The following CDC42BPA variants were observed in gnomAD, a reference collection of about 807,000 sequenced individuals.
CDC42BPA encodes the protein CDC42 binding protein kinase alpha.
CDC42BPA carries 80 observed loss-of-function variants against 223.5 expected under a neutral mutation model. The ratio of observed to expected loss-of-function variants is 0.36; its 90% confidence interval spans 0.30 to 0.43. CDC42BPA has a LOEUF of 0.43. Ranked by LOEUF, CDC42BPA falls within the 20% of genes least tolerant of loss-of-function variation. The pLI is 1.00. For missense variants in CDC42BPA, 1,743 were observed against 2,099.9 expected (o/e 0.83, Z 3.32); for synonymous variants, 694 against 718.6 (o/e 0.97, Z 0.55).
intron 2 of CDC42BPA, among the ~76,000 whole-genome samples, chr1:227,227,874 T>A (rs1677115209): frequency 6.6e-6 from 1 of 152,202 alleles, no homozygotes; most frequent in African/African-American, 2.4e-5. Context: ...TAGTAAATGA[T>A]AAATGTTCCA....
At chr1:227,198,167 A>C (rs923902123) in intron 4 of CDC42BPA, among the ~76,000 whole-genome samples, 1 of 151,966 alleles carries the variant, frequency 6.6e-6, no homozygotes, top group Non-Finnish European at 1.5e-5. Flanking sequence ...AATGTTCCTT[A>C]TGGCTGGGCA....
intron 1 of CDC42BPA, among the ~76,000 whole-genome samples, chr1:227,314,228 A>G (rs529043338): frequency 6.6e-6 from 1 of 150,750 alleles, no homozygotes; most frequent in Admixed American, 6.6e-5. Flanking sequence ...ACAAACCATA[A>G]TCATTTCAAC....
chr1:227,205,792 T>C (rs1672616599), intron 3 of CDC42BPA, among the ~76,000 whole-genome samples: 1 of 152,172 alleles, frequency 6.6e-6, no homozygotes, highest in Non-Finnish European at 1.5e-5. Flanking sequence ...CTCACACCTG[T>C]AATCCCAGCA....
At chr1:227,080,444 T>A (rs909168065) in intron 17 of CDC42BPA, among the ~76,000 whole-genome samples, 1 of 152,186 alleles carries the variant, frequency 6.6e-6, no homozygotes, top group African/African-American at 2.4e-5. Flanking sequence ...AAAAATGCCA[T>A]GTGTGAATTA....
chr1:227,199,474 A>C, intron 4 of CDC42BPA, 83 bp downstream of exon 4: 1 of 804,662 alleles, frequency 1.2e-6, no homozygotes, highest in Admixed American at 2.3e-5. Context: ...TATGAAACCT[A>C]CATTTAAACA....
chr1:227,167,658 T>G (rs1284051136), intron 5 of CDC42BPA, among the ~76,000 whole-genome samples: 1 of 152,170 alleles, frequency 6.6e-6, no homozygotes, highest in African/African-American at 2.4e-5. Flanking sequence ...TTTCTTAGAT[T>G]TCAGGTTAGT....
At chr1:227,145,185 A>G (rs911479814) in intron 8 of CDC42BPA, among the ~76,000 whole-genome samples, 3 of 152,168 alleles carry the variant, frequency 2.0e-5, no homozygotes, top group African/African-American at 7.2e-5. Flanking sequence ...GCACTTTACA[A>G]TCATAAAATC....
At chr1:227,124,483 T>A (rs918075098) in intron 11 of CDC42BPA, among the ~76,000 whole-genome samples, 27 of 152,096 alleles carry the variant, frequency 1.8e-4, no homozygotes, top group East Asian at 5.8e-4. Context: ...GTATATATAT[T>A]TTTTTCTTCA....
chr1:227,147,544 C>T lies in CDC42BPA; in HGVS notation c.709G>A (p.Ala237Thr), dbSNP rs377562402. The change falls in exon 7 of 37, where the codon GCT (alanine) becomes ACT (threonine). Residue 237 changes from alanine (A) to threonine (T), a missense_variant. Ala to Thr is a moderately conservative substitution (Grantham distance 58, BLOSUM62 0). Coordinates refer to ENST00000366766, the MANE Select transcript of CDC42BPA (RefSeq NM_001394014.1). Reference protein sequence around the residue: ...MEDGTVQSSVAVGTPDYISPE... With the variant: ...MEDGTVQSSVTVGTPDYISPE... ...GAGATATAATCTGGAGTTCCTACAGCCACTGAGGACTGAACCTGAAGAAAT... is the reference window on the plus strand; with the variant it reads ...GAGATATAATCTGGAGTTCCTACAGTCACTGAGGACTGAACCTGAAGAAAT... The T allele has an allele frequency of 4.4e-6, 7 of 1,598,764 alleles. No individual in the cohort carries two copies. The African/African-American group carries it at 6.7e-5, about 15-fold the overall frequency.
intron 32 of CDC42BPA, among the ~76,000 whole-genome samples, chr1:227,022,952 G>T (rs928508872): frequency 1.3e-5 from 2 of 152,100 alleles, no homozygotes; most frequent in African/African-American, 4.8e-5. Context: ...TTTTGGTTAG[G>T]TTCTACAATA....
intron 11 of CDC42BPA, among the ~76,000 whole-genome samples, chr1:227,125,309 G>C (rs1448156000): frequency 1.3e-5 from 2 of 151,942 alleles, no homozygotes; most frequent in African/African-American, 4.8e-5. Context: ...AAACACATCT[G>C]CAAGAGTGGT....
At chr1:227,193,169 C>T (rs1405911018) in intron 5 of CDC42BPA, among the ~76,000 whole-genome samples, 2 of 148,866 alleles carry the variant, frequency 1.3e-5, no homozygotes, top group African/African-American at 2.5e-5. Context: ...CCCGGGTTCA[C>T]GCCATTCTCC....
chr1:227,071,588 T>G (rs1050616676), intron 20 of CDC42BPA, among the ~76,000 whole-genome samples: 3 of 151,742 alleles, frequency 2.0e-5, no homozygotes, highest in South Asian at 2.1e-4. Flanking sequence ...GCAATTTAAG[T>G]GTCAAACTGG....
intron 23 of CDC42BPA, among the ~76,000 whole-genome samples, chr1:227,044,068 A>G (rs1480194791): frequency 6.6e-6 from 1 of 151,952 alleles, no homozygotes; most frequent in Non-Finnish European, 1.5e-5. Context: ...TAATTCTAAA[A>G]TTAAATTTTA....
chr1:227,091,879 C>T lies in CDC42BPA; in HGVS notation c.2355+7G>A. ...CTACTCAATTAATATGAGATTAAAT[C>T]ACTCACCTTATCAAGTTCACTCGTC... On this transcript the variant is annotated splice_region_variant and intron_variant, in intron 16 of 36. Coordinates refer to ENST00000366766, the MANE Select transcript of CDC42BPA (RefSeq NM_001394014.1). The T allele has an allele frequency of 6.7e-7, 1 of 1,483,544 alleles. No homozygotes were observed. Among genetic ancestry groups the T allele is most frequent in the Middle Eastern group, 1.7e-4 (1 of 5,788 alleles). The allele number at this position is 1,483,544 out of a possible 1,614,324, so 91.9% of individuals were successfully genotyped here.
Position 227,193,768 on chromosome 1 carries a change from A to C in CDC42BPA, c.599+18T>G. The C allele has an allele frequency of 1.3e-6, 2 of 1,573,346 alleles. No individual in the cohort carries two copies. The highest frequency in any genetic ancestry group is 1.7e-6 in the Non-Finnish European group (2 of 1,160,544). On this transcript the variant is annotated intron_variant, in intron 5 of 36. Coordinates refer to ENST00000366766, the MANE Select transcript of CDC42BPA (RefSeq NM_001394014.1). The stretch of plus-strand genomic sequence containing the variant: ...TACATGGTAACTCACAGCCAGGTAC[A>C]ATGAAGGACTGTTTTACCTGTGTAC...
intron 21 of CDC42BPA, among the ~76,000 whole-genome samples, chr1:227,063,728 G>T (rs890911728): frequency 6.6e-6 from 1 of 152,018 alleles, no homozygotes; most frequent in African/African-American, 2.4e-5. Flanking sequence ...TTGGTCATAG[G>T]ACTAAAAATC....
chr1:227,250,599 T>C (rs752741037), intron 2 of CDC42BPA, among the ~76,000 whole-genome samples: 1 of 152,112 alleles, frequency 6.6e-6, no homozygotes, highest in Non-Finnish European at 1.5e-5. Flanking sequence ...TCGAGTTATA[T>C]GTGTGTATAT....
rs554050135 is a variant in CDC42BPA at position 227,286,135 on chromosome 1, C to T, written c.178+30870G>A. Among the ~76,000 whole-genome samples, 20 of 152,070 alleles carry T rather than the reference C, an allele frequency of 1.3e-4. No individual in the cohort carries two copies. The South Asian group carries it at 3.7e-3, about 28-fold the overall frequency. Reference sequence around the variant, plus strand: ...CTCCACAGCCCCCTTGGATTCCTCTCCTGAAAACACTTCTTCCTTCTTTAC... The same window carrying T: ...CTCCACAGCCCCCTTGGATTCCTCTTCTGAAAACACTTCTTCCTTCTTTAC... On this transcript the variant is annotated intron_variant, in intron 1 of 36. Coordinates refer to ENST00000366766, the MANE Select transcript of CDC42BPA (RefSeq NM_001394014.1).
Sources: allele counts gnomAD v4.1 joint callset (sites outside exome capture counted in the v4.1 genomes callset), GRCh38; gene constraint gnomAD v4.1.1; transcripts MANE v1.5; gene names NCBI Gene and HGNC (gene_info 2026-07-23, HGNC 2026-07-21).